Variants in NMNAT3 observed in about 807,000 individuals in gnomAD.
NMNAT3 encodes nicotinamide nucleotide adenylyltransferase 3, also known as nicotinamide/nicotinic acid mononucleotide adenylyltransferase 3.
In NMNAT3, 21 loss-of-function variants were observed where a neutral mutation model predicts 24.8. The ratio of observed to expected loss-of-function variants is 0.85; its 90% CI spans 0.60 to 1.22. The LOEUF is 1.22. NMNAT3 is among the 50% of genes most tolerant of loss of function. NMNAT3 has a pLI of 0.00. For synonymous variants in NMNAT3, 136 were observed against 155.2 expected (o/e 0.88, Z 0.92); for missense variants, 387 against 436.6 (o/e 0.89, Z 1.01).
chr3:139,578,935 C>T lies in NMNAT3; in HGVS notation c.512G>A (p.Trp171Ter), dbSNP rs1295623290. Residue 171 changes from tryptophan (W) to a stop codon, truncating the protein, a stop_gained, in exon 5 of 7, where the codon TGG (tryptophan) becomes TAG (stop). Coordinates refer to ENST00000643695, the MANE Select transcript of NMNAT3 (RefSeq NM_001320510.2). LOFTEE classifies it high-confidence loss of function. ...ACTCTCCCAAGGGTCCACCCGGATCCAGTCGGATGTCTGCAGGGCCAGCCG... is the reference window on the plus strand; with the variant it reads ...ACTCTCCCAAGGGTCCACCCGGATCTAGTCGGATGTCTGCAGGGCCAGCCG... 6.2e-7 allele frequency: 1 copy of T among 1,614,212 alleles called. No individual in the cohort carries two copies. Among genetic ancestry groups the T allele is most frequent in the East Asian group, 2.2e-5 (1 of 44,886 alleles).
rs565880891 is a variant in NMNAT3, at chr3:139,612,865, C to G, written c.109+14751G>C. 2.6e-5 allele frequency among the ~76,000 whole-genome samples: 4 copies of G among 152,176 alleles called. No homozygotes were observed. The East Asian group carries it at 5.8e-4, about 22-fold the overall frequency. On this transcript the variant is annotated intron_variant, in intron 3 of 6. Coordinates refer to ENST00000643695, the MANE Select transcript of NMNAT3 (RefSeq NM_001320510.2). ...ACTATCTGATCTTTGACAAACCTGA[C>G]AAAAACAAGAAATGGGGAAAGGATT...
At position 139,666,532 on chromosome 3, in the gene NMNAT3, C is replaced by T. The variant is rs953399216; in HGVS notation, c.-141+11173G>A. 4.2e-4 allele frequency among the ~76,000 whole-genome samples: 64 copies of T among 152,186 alleles called. 1 individual carries two copies. Among genetic ancestry groups the T allele is most frequent in the Non-Finnish European group, 7.3e-5 (5 of 68,036 alleles). On this transcript the variant is annotated intron_variant, in intron 1 of 6. Coordinates refer to ENST00000643695, the MANE Select transcript of NMNAT3 (RefSeq NM_001320510.2). ...CTTGTGATATTTTGCTACATGCATACAATGTGTAATGATGAAGAAATCCAT... is the reference window on the plus strand; with the variant it reads ...CTTGTGATATTTTGCTACATGCATATAATGTGTAATGATGAAGAAATCCAT...
intron 3 of NMNAT3, among the ~76,000 whole-genome samples, chr3:139,610,406 CAT>C (rs1440952970): frequency 2.0e-4 from 31 of 152,290 alleles, no homozygotes; most frequent in African/African-American, 7.0e-4. Context: ...TGGAATCTAA[CAT>C]GTGTAGCCTC....
chr3:139,561,294 TCTC>T lies in NMNAT3; in HGVS notation c.754_756del (p.Glu252del), dbSNP rs1453393282. The T allele has an allele frequency of 2.5e-6, 4 of 1,613,894 alleles. No homozygotes were observed. The Admixed American group carries it at 5.0e-5, about 20-fold the overall frequency. On this transcript the variant is annotated inframe_deletion, in exon 7 of 7. Transcript: ENST00000643695. ...CGGCCCACGCACACCAAGCCAAACT[TCTC>T]CACTATTTCCTGGATGTGCGCATCC... is the stretch of plus-strand genomic sequence containing the variant.
At chr3:139,593,635 C>T (rs2054306469) in intron 3 of NMNAT3, among the ~76,000 whole-genome samples, 1 of 151,150 alleles carries the variant, frequency 6.6e-6, no homozygotes, top group Non-Finnish European at 1.5e-5. Flanking sequence ...TGCAATCAAA[C>T]TAGAACTCAG....
chr3:139,600,401 G>T (rs553555756), intron 3 of NMNAT3, among the ~76,000 whole-genome samples: 1 of 151,968 alleles, frequency 6.6e-6, no homozygotes, highest in East Asian at 1.9e-4. Context: ...TGCCTCCTGG[G>T]TTCAAGGGAT....
rs1438316132 is a variant in NMNAT3 at position 139,560,260 on chromosome 3, T to TA, written c.*749dup. 4 of 152,626 alleles carry TA rather than the reference T, an allele frequency of 2.6e-5. No individual in the cohort carries two copies. Among genetic ancestry groups the TA allele is most frequent in the Admixed American group, 2.0e-4 (3 of 15,280 alleles). 9.5% of individuals were successfully genotyped at this position (152,626 alleles called of 1,614,324 possible). A position where few individuals can be genotyped will look rare whatever the true frequency, so the allele number is the denominator to read the frequency against. On this transcript the variant is annotated 3_prime_UTR_variant, in exon 7 of 7. Coordinates refer to ENST00000643695, the MANE Select transcript of NMNAT3 (RefSeq NM_001320510.2). The stretch of plus-strand genomic sequence containing the variant: ...AAACAGACAGGCAGTCATAAAACAT[T>TA]AAAAAAGATCCTTTAAAACGGTCAG...
At chr3:139,602,411 T>C (rs2054757416) in intron 3 of NMNAT3, among the ~76,000 whole-genome samples, 1 of 152,206 alleles carries the variant, frequency 6.6e-6, no homozygotes, top group Non-Finnish European at 1.5e-5. Context: ...CAAGATTTTT[T>C]CCTAAAATTG....
chr3:139,612,830 C>G (rs1393807329), intron 3 of NMNAT3, among the ~76,000 whole-genome samples: 1 of 152,134 alleles, frequency 6.6e-6, no homozygotes, highest in Non-Finnish European at 1.5e-5. Flanking sequence ...AATAATGCCA[C>G]ATATCTACAA....
At chr3:139,604,716 T>A (rs2054864465) in intron 3 of NMNAT3, among the ~76,000 whole-genome samples, 1 of 152,240 alleles carries the variant, frequency 6.6e-6, no homozygotes, top group Non-Finnish European at 1.5e-5. Context: ...AGATGCAGTG[T>A]GTGTACATCA....
At chr3:139,623,639 A>T (rs2055904067) in intron 3 of NMNAT3, among the ~76,000 whole-genome samples, 2 of 152,012 alleles carry the variant, frequency 1.3e-5, no homozygotes, top group South Asian at 4.1e-4. Flanking sequence ...GCTGGAGTGC[A>T]GTAGCTCAAT....
At chr3:139,652,978 T>C (rs1280028501) in intron 1 of NMNAT3, among the ~76,000 whole-genome samples, 1 of 152,138 alleles carries the variant, frequency 6.6e-6, no homozygotes, top group African/African-American at 2.4e-5. Context: ...AGATTCAAAG[T>C]ACAAAATGGG....
At chr3:139,661,381 G>C (rs553881975) in intron 1 of NMNAT3, among the ~76,000 whole-genome samples, 1 of 152,260 alleles carries the variant, frequency 6.6e-6, no homozygotes, top group East Asian at 1.9e-4. Context: ...ATATAGAAAA[G>C]TAGAGGGCTA....
At chr3:139,561,640 T>C (rs1936409324) in intron 6 of NMNAT3, among the ~76,000 whole-genome samples, 1 of 152,216 alleles carries the variant, frequency 6.6e-6, no homozygotes, top group Non-Finnish European at 1.5e-5. Context: ...AATACGATTT[T>C]TTTTCTTTTC....
chr3:139,620,200 C>CTTTTTTTT, intron 3 of NMNAT3, among the ~76,000 whole-genome samples: 1 of 126,690 alleles, frequency 7.9e-6, no homozygotes, highest in Non-Finnish European at 1.7e-5. Flanking sequence ...CTTGTGGAGT[C>CTTTTTTTT]TTTTTTTTTT....
Position 139,584,902 on chromosome 3 carries a change from G to C in NMNAT3, c.110-1694C>G, listed in dbSNP as rs138978876. Among the ~76,000 whole-genome samples the C allele has an allele frequency of 7.5e-3, 1,141 of 152,220 alleles. 20 individuals carry two copies. The highest frequency in any genetic ancestry group is 0.026 in the African/African-American group (1,074 of 41,538). Reference sequence around the variant, plus strand: ...TTTTATTAGTTATAAACAGAGGCATGTTAAAATCTCTCACTATGATTGTGG... The same window carrying C: ...TTTTATTAGTTATAAACAGAGGCATCTTAAAATCTCTCACTATGATTGTGG... On this transcript the variant is annotated intron_variant, in intron 3 of 6. Coordinates refer to ENST00000643695, the MANE Select transcript of NMNAT3 (RefSeq NM_001320510.2).
At chr3:139,627,221 C>T (rs2108309088) in intron 3 of NMNAT3, among the ~76,000 whole-genome samples, 1 of 152,224 alleles carries the variant, frequency 6.6e-6, no homozygotes, top group East Asian at 1.9e-4. Context: ...TGCCCATTAT[C>T]AAGCATTTTC....
intron 1 of NMNAT3, among the ~76,000 whole-genome samples, chr3:139,675,909 A>C (rs1350443378): frequency 1.3e-5 from 2 of 152,188 alleles, no homozygotes; most frequent in African/African-American, 2.4e-5. Context: ...CGATATGCTA[A>C]GCACCTGTTA....
chr3:139,589,345 C>T (rs1326738136), intron 3 of NMNAT3, among the ~76,000 whole-genome samples: 1 of 152,132 alleles, frequency 6.6e-6, no homozygotes, highest in Admixed American at 6.5e-5. Flanking sequence ...TGAGAATCAA[C>T]ATTTGGCATA....
Sources: gnomAD v4.1 joint callset for allele counts (sites outside exome capture counted in the v4.1 genomes callset) on GRCh38, gnomAD v4.1.1 for gene constraint, MANE v1.5 for transcripts, NCBI Gene and HGNC (gene_info 2026-07-23, HGNC 2026-07-21) for gene names.